Variants in GRIN2B observed in about 807,000 individuals in gnomAD.
GRIN2B encodes glutamate receptor ionotropic, NMDA 2B.
A neutral mutation model predicts 114.5 loss-of-function variants in GRIN2B; 5 were observed. The observed-to-expected ratio is 0.04, with a 90% CI of 0.02 to 0.09. GRIN2B has a LOEUF of 0.09. Among genes scored for constraint, GRIN2B ranks in the 10% least tolerant of loss-of-function variants. The pLI is 1.00. For missense variants in GRIN2B, 1,108 were observed against 1,943.5 expected (o/e 0.57, Z 8.08); for synonymous variants, 787 against 745.1 (o/e 1.06, Z -0.92).
chr12:13,961,649 TCCACTTACA>T (rs1167189939), intron 2 of GRIN2B, among the ~76,000 whole-genome samples: 11 of 152,200 alleles, frequency 7.2e-5, no homozygotes, highest in Admixed American at 6.5e-5. Flanking sequence ...ATCTGGGCAA[TCCACTTACA>T]ATGAAAAATC....
At chr12:13,892,409 A>G (rs1419743298) in intron 2 of GRIN2B, among the ~76,000 whole-genome samples, 9 of 152,224 alleles carry the variant, frequency 5.9e-5, no homozygotes, top group Non-Finnish European at 1.3e-4. Flanking sequence ...TAAAAAAACT[A>G]TTTCAAATTC....
chr12:13,901,093 C>T (rs1866443951), intron 2 of GRIN2B, among the ~76,000 whole-genome samples: 1 of 152,078 alleles, frequency 6.6e-6, no homozygotes, highest in African/African-American at 2.4e-5. Flanking sequence ...ATTAAATTTC[C>T]ACAAGCAGTG....
chr12:13,789,609 A>G (rs2136663166), intron 3 of GRIN2B, among the ~76,000 whole-genome samples: 1 of 152,320 alleles, frequency 6.6e-6, no homozygotes, highest in South Asian at 2.1e-4. Context: ...TTTTTCAGCT[A>G]TAAACTGGTG....
At chr12:13,749,108 G>A (rs1863437227) in intron 4 of GRIN2B, among the ~76,000 whole-genome samples, 1 of 152,192 alleles carries the variant, frequency 6.6e-6, no homozygotes, top group South Asian at 2.1e-4. Flanking sequence ...GATAAGTAAT[G>A]TTCATTTGAT....
At chr12:13,703,210 C>T (rs1048431300) in intron 4 of GRIN2B, among the ~76,000 whole-genome samples, 26 of 152,110 alleles carry the variant, frequency 1.7e-4, no homozygotes, top group Non-Finnish European at 4.4e-5. Flanking sequence ...TGATTTCACT[C>T]CCATATGGCC....
intron 5 of GRIN2B, among the ~76,000 whole-genome samples, chr12:13,654,740 G>A (rs908813250): frequency 6.6e-6 from 1 of 152,096 alleles, no homozygotes; most frequent in African/African-American, 2.4e-5. Flanking sequence ...GCTCTTCTCA[G>A]GTGGTATTGT....
intron 2 of GRIN2B, among the ~76,000 whole-genome samples, chr12:13,944,712 C>T (rs748978415): frequency 5.9e-5 from 9 of 152,166 alleles, no homozygotes; most frequent in East Asian, 5.8e-4. Flanking sequence ...GGGGCAGGGA[C>T]GTGAACCCAT....
At position 13,537,403 on chromosome 12, in the gene GRIN2B, T is replaced by C. The variant is rs1003200098; in HGVS notation, c.*25380A>G. ...ATAGAGGAGCTTTGCAGTATGTCTA[T>C]ATCTAGCCGTGTATGCTGGGGATAG... On this transcript the variant is annotated 3_prime_UTR_variant, in exon 14 of 14. Coordinates refer to ENST00000609686, the MANE Select transcript of GRIN2B (RefSeq NM_000834.5). 2.0e-5 allele frequency: 3 copies of C among 152,168 alleles called. No homozygotes were observed. The highest frequency in any genetic ancestry group is 4.8e-5 in the African/African-American group (2 of 41,450). The allele number at this position is 152,168 out of a possible 1,614,324, so 9.4% of individuals were successfully genotyped here. A position where few individuals can be genotyped will look rare whatever the true frequency, so the allele number is the denominator to read the frequency against.
intron 5 of GRIN2B, among the ~76,000 whole-genome samples, chr12:13,630,774 A>T (rs532259535): frequency 3.2e-4 from 48 of 152,316 alleles, no homozygotes; most frequent in Non-Finnish European, 6.0e-4. Flanking sequence ...TAATAAAATG[A>T]TGGCTGTTTC....
chr12:13,746,078 C>CA (rs140802429), intron 4 of GRIN2B, among the ~76,000 whole-genome samples: 25,000 of 151,798 alleles, frequency 0.16, 2,617 homozygotes, highest in Non-Finnish European at 0.24. Context: ...TGTGCTATGT[C>CA]AAAAAATAAA....
At chr12:13,744,377 A>G (rs915936467) in intron 4 of GRIN2B, among the ~76,000 whole-genome samples, 2 of 152,200 alleles carry the variant, frequency 1.3e-5, no homozygotes, top group Non-Finnish European at 2.9e-5. Flanking sequence ...ATATACATAA[A>G]TAGGTGCTGT....
In GRIN2B at chr12:13,889,910, T is replaced by C. The variant is rs139256720; in HGVS notation, c.-18-23684A>G. Reference sequence around the variant, plus strand: ...AATCCTCCCCTTCAGTGACCGTCATTCTCCAGCCTTGCTGCTCAGAGGATT... The same window carrying C: ...AATCCTCCCCTTCAGTGACCGTCATCCTCCAGCCTTGCTGCTCAGAGGATT... On this transcript the variant is annotated intron_variant, in intron 2 of 13. Coordinates refer to ENST00000609686, the MANE Select transcript of GRIN2B (RefSeq NM_000834.5). 8.1e-3 allele frequency among the ~76,000 whole-genome samples: 1,240 copies of C among 152,312 alleles called. 3 individuals carry two copies. Among genetic ancestry groups the C allele is most frequent in the Middle Eastern group, 0.014 (4 of 294 alleles).
At chr12:13,733,296 GTTT>G (rs5796558) in intron 4 of GRIN2B, among the ~76,000 whole-genome samples, 1,877 of 146,730 alleles carry the variant, frequency 0.013, 46 homozygotes, top group African/African-American at 0.042. Flanking sequence ...ATGGTTTCAA[GTTT>G]TTTTTTTTTT....
At chr12:13,575,030 C>G (rs75717292) in intron 10 of GRIN2B, among the ~76,000 whole-genome samples, 1 of 152,106 alleles carries the variant, frequency 6.6e-6, no homozygotes, top group Admixed American at 6.6e-5. Context: ...TCATTTCACA[C>G]CTCATAAGAT....
intron 2 of GRIN2B, among the ~76,000 whole-genome samples, chr12:13,975,369 T>C (rs1863001988): frequency 6.6e-6 from 1 of 152,246 alleles, no homozygotes; most frequent in Admixed American, 6.5e-5. Flanking sequence ...AGCACTGACG[T>C]AGATATTTAA....
intron 2 of GRIN2B, among the ~76,000 whole-genome samples, chr12:13,911,899 A>G (rs1866632696): frequency 6.6e-6 from 1 of 152,130 alleles, no homozygotes; most frequent in Admixed American, 6.5e-5. Flanking sequence ...GGCAGGCTTG[A>G]TTGCCTCTGC....
intron 3 of GRIN2B, among the ~76,000 whole-genome samples, chr12:13,839,916 T>C (rs1173560383): frequency 6.6e-6 from 1 of 152,202 alleles, no homozygotes. Flanking sequence ...ATCTCCATAA[T>C]AGAAAATACG....
intron 3 of GRIN2B, among the ~76,000 whole-genome samples, chr12:13,762,898 G>GT (rs1300110810): frequency 1.3e-5 from 2 of 151,390 alleles, no homozygotes; most frequent in African/African-American, 2.4e-5. Flanking sequence ...TTGGTTTTTT[G>GT]TTTTTTGTTT....
At chr12:13,930,758 C>T (rs564293745) in intron 2 of GRIN2B, among the ~76,000 whole-genome samples, 21 of 152,064 alleles carry the variant, frequency 1.4e-4, no homozygotes, top group South Asian at 4.1e-4. Context: ...TAGACCTTGG[C>T]AAGCCAAATC....
Sources: gnomAD v4.1 joint callset for allele counts (sites outside exome capture counted in the v4.1 genomes callset) on GRCh38, gnomAD v4.1.1 for gene constraint, MANE v1.5 for transcripts, NCBI Gene and HGNC (gene_info 2026-07-23, HGNC 2026-07-21) for gene names.